Variants in BTBD8 observed in about 807,000 individuals in gnomAD.
The protein encoded by BTBD8 is BTB domain containing 8.
In BTBD8, 110 loss-of-function variants were observed where a neutral mutation model predicts 162.9. The observed-to-expected ratio is 0.68, with a 90% CI of 0.58 to 0.79. The LOEUF is 0.79. Among genes scored for constraint, BTBD8 ranks in the 30% least tolerant of loss-of-function variants. BTBD8 has a pLI of 0.00. For missense variants in BTBD8, 1,905 were observed against 2,085.4 expected (o/e 0.91, Z 1.68); for synonymous variants, 667 against 716.1 (o/e 0.93, Z 1.10).
In BTBD8 at chr1:92,182,575, C is replaced by A. The variant is rs1287976076; in HGVS notation, c.4892C>A (p.Ala1631Asp). The A allele has an allele frequency of 3.3e-6, 5 of 1,495,106 alleles. No homozygotes were observed. The highest frequency in any genetic ancestry group is 5.5e-5 in the Admixed American group (2 of 36,662). The allele number at this position is 1,495,106 out of a possible 1,614,324, so 92.6% of individuals were successfully genotyped here. A position where few individuals can be genotyped will look rare whatever the true frequency, so the allele number is the denominator to read the frequency against. Residue 1631 changes from alanine to aspartate, a missense_variant, in exon 17 of 18, where the codon GCT becomes GAT. This residue lies in a region of BTBD8 where 517 missense variants were observed against 606.6 expected (regional missense o/e 0.85). Transcript: ENST00000636805. ...KESHSTTTEK[A>D]NIALSAGDID... ...AGCCATTCTACAACTACTGAAAAAGCTAATATTGCTTTATCTGCAGGTAAT... is the reference window on the plus strand; with the variant it reads ...AGCCATTCTACAACTACTGAAAAAGATAATATTGCTTTATCTGCAGGTAAT...
In BTBD8 at chr1:92,142,545, AC is replaced by A. The variant is rs1298254058; in HGVS notation, c.930+1336del. On this transcript the variant is annotated intron_variant, in intron 7 of 17. Transcript: ENST00000636805. ...GAGAAGGCTTGCTGGAGAAGCCAAA[AC>A]CAGCCTTGGTGTAAGGAACTACAGT... Among the ~76,000 whole-genome samples, 3 of 152,202 alleles carry A rather than the reference AC, an allele frequency of 2.0e-5. No individual in the cohort carries two copies. In the East Asian group the frequency reaches 5.8e-4, roughly 29 times the overall value.
intron 12 of BTBD8, 23 bp downstream of exon 12, chr1:92,169,018 C>G: frequency 6.6e-7 from 1 of 1,507,188 alleles, no homozygotes; most frequent in Non-Finnish European, 9.0e-7. Flanking sequence ...TGAGATATTT[C>G]AATTCTTATG....
At position 92,112,181 on chromosome 1, in the gene BTBD8, G is replaced by A. The variant is rs190631390; in HGVS notation, c.662+4180G>A. On this transcript the variant is annotated intron_variant, in intron 4 of 17. Transcript: ENST00000636805. ...TCCCAGCACTCTGGGAGGCTGAGAC[G>A]AGAGGATCACTTGAACCAGGGAGTT... 7.2e-5 allele frequency among the ~76,000 whole-genome samples: 11 copies of A among 152,212 alleles called. No homozygotes were observed. The East Asian group carries it at 1.5e-3, about 21-fold the overall frequency.
chr1:92,112,022 A>G (rs1202432203), intron 4 of BTBD8, among the ~76,000 whole-genome samples: 1 of 152,228 alleles, frequency 6.6e-6, no homozygotes, highest in African/African-American at 2.4e-5. Flanking sequence ...ATATAAGTCA[A>G]TGATACATAA....
At chr1:92,129,873 A>G in intron 5 of BTBD8, 97 bp downstream of exon 5, 2 of 1,037,186 alleles carry the variant, frequency 1.9e-6, no homozygotes, top group Non-Finnish European at 3.0e-6. Flanking sequence ...TGGATGTTCA[A>G]GGAAATATTT....
chr1:92,177,928 C>G (rs1357300236), intron 15 of BTBD8, 30 bp downstream of exon 15: 1 of 1,129,982 alleles, frequency 8.8e-7, no homozygotes, highest in African/African-American at 1.6e-5. Context: ...TTTAACCTAT[C>G]TGTTAGCTTT....
chr1:92,152,353 T>G (rs1650064818), intron 9 of BTBD8, among the ~76,000 whole-genome samples: 1 of 152,154 alleles, frequency 6.6e-6, no homozygotes, highest in South Asian at 2.1e-4. Context: ...ATGTTAGCAC[T>G]CAGTATGTAT....
intron 7 of BTBD8, among the ~76,000 whole-genome samples, chr1:92,145,186 ACTCTTGAC>A (rs770905879): frequency 2.6e-5 from 4 of 151,528 alleles, no homozygotes; most frequent in Admixed American, 6.6e-5. Context: ...CTGGCCTTGA[ACTCTTGAC>A]CTCATGTAAT....
intron 9 of BTBD8, among the ~76,000 whole-genome samples, chr1:92,157,673 T>C (rs1650191183): frequency 6.6e-6 from 1 of 152,016 alleles, no homozygotes; most frequent in Non-Finnish European, 1.5e-5. Flanking sequence ...TTTTTTTTTT[T>C]TCTTGGTAGG....
At chr1:92,168,810 C>T in intron 11 of BTBD8, 56 bp from the exon 12 acceptor site, 3 of 1,432,394 alleles carry the variant, frequency 2.1e-6, no homozygotes, top group East Asian at 5.1e-5. Context: ...GGAATAATGA[C>T]TGGTTGCTAT....
Position 92,093,187 on chromosome 1 carries a change from ATT to A in BTBD8, c.347+4312_347+4313del, listed in dbSNP as rs5776134. Among the ~76,000 whole-genome samples, 195 of 119,834 alleles carry A rather than the reference ATT, an allele frequency of 1.6e-3. 1 individual carries two copies. Among genetic ancestry groups the A allele is most frequent in the African/African-American group, 5.7e-3 (176 of 31,054 alleles). 78.6% of individuals were successfully genotyped at this position (119,834 alleles called of 152,430 possible). ...GCTCATCATTGAGTTTGAAATACCA[ATT>A]TTTTTTTTTTTTTTTTTTTGAGACG... is the stretch of plus-strand genomic sequence containing the variant. On this transcript the variant is annotated intron_variant, in intron 2 of 17. Coordinates refer to ENST00000636805, the MANE Select transcript of BTBD8 (RefSeq NM_001376131.1).
intron 4 of BTBD8, among the ~76,000 whole-genome samples, chr1:92,123,682 T>C (rs1007598772): frequency 6.6e-6 from 1 of 151,266 alleles, no homozygotes; most frequent in African/African-American, 2.4e-5. Context: ...CTATTGAAAA[T>C]TTGTGAATGG....
chr1:92,084,324 A>C (rs1339323236), intron 1 of BTBD8, among the ~76,000 whole-genome samples: 1 of 152,162 alleles, frequency 6.6e-6, no homozygotes, highest in Admixed American at 6.5e-5. Context: ...GATAGCAATA[A>C]TGTAGGCATA....
chr1:92,151,352 C>CAAAAAAAAAAAA (rs11406119), intron 9 of BTBD8, among the ~76,000 whole-genome samples: 1 of 127,968 alleles, frequency 7.8e-6, no homozygotes, highest in Non-Finnish European at 1.6e-5. Flanking sequence ...GAAACTGTCT[C>CAAAAAAAAAAAA]AAAAAAAAAA....
chr1:92,159,746 G>T (rs1205580299), intron 9 of BTBD8, among the ~76,000 whole-genome samples: 1 of 152,114 alleles, frequency 6.6e-6, no homozygotes, highest in Non-Finnish European at 1.5e-5. Flanking sequence ...TTGCCTGCAA[G>T]GTTTCTGCTG....
rs748410461 is a variant in BTBD8 at position 92,102,574 on chromosome 1, G to T, written c.449G>T (p.Ser150Ile). The T allele has an allele frequency of 6.3e-7, 1 of 1,598,464 alleles. No individual in the cohort carries two copies. ...IGISQKQLDISFPKCENSSDC... is the reference protein window; with the variant it reads ...IGISQKQLDIIFPKCENSSDC... ...ATATCACAAAAGCAACTTGACATCAGTTTTCCAAAGTGTGAAAACTCATCT... is the reference window on the plus strand; with the variant it reads ...ATATCACAAAAGCAACTTGACATCATTTTTCCAAAGTGTGAAAACTCATCT... Residue 150 changes from serine to isoleucine, a missense_variant, in exon 3 of 18, where the codon AGT (serine) becomes ATT (isoleucine). Physicochemically the swap from Ser to Ile is moderately radical, Grantham distance 142. Around this residue, in one of 3 missense-constraint regions of BTBD8, gnomAD observed 1,374 missense variants for 1,442.7 expected, o/e 0.95. Transcript: ENST00000636805.
At chr1:92,139,706 G>C in intron 6 of BTBD8, 4 of 448,190 alleles carry the variant, frequency 8.9e-6, no homozygotes, top group Non-Finnish European at 1.2e-5. Context: ...TCAATAAATT[G>C]ATTAAACTTT....
At chr1:92,166,627 G>C (rs998525758) in intron 9 of BTBD8, among the ~76,000 whole-genome samples, 4 of 151,728 alleles carry the variant, frequency 2.6e-5, no homozygotes, top group African/African-American at 7.3e-5. Flanking sequence ...TTTTCACCAT[G>C]TTGGCCAGGC....
At chr1:92,141,460 C>T (rs1332783712) in intron 7 of BTBD8, among the ~76,000 whole-genome samples, 2 of 152,058 alleles carry the variant, frequency 1.3e-5, no homozygotes, top group African/African-American at 4.8e-5. Context: ...CTGTATAATT[C>T]AAAGGTGCTC....
Sources: allele counts gnomAD v4.1 joint callset (sites outside exome capture counted in the v4.1 genomes callset), GRCh38; gene constraint gnomAD v4.1.1; regional missense constraint gnomAD v4.1.1; transcripts MANE v1.5; gene names NCBI Gene and HGNC (gene_info 2026-07-23, HGNC 2026-07-21).